SH3PXD2B: variants seen among roughly 807,000 people sequenced by gnomAD.
The protein encoded by SH3PXD2B is SH3 and PX domains 2B, also known as SH3 and PX domain-containing protein 2B.
In SH3PXD2B, 37 loss-of-function variants were observed where a neutral mutation model predicts 73.1. The ratio of observed to expected loss-of-function variants is 0.51; its 90% CI spans 0.39 to 0.67. The LOEUF is 0.67. Ranked by LOEUF, SH3PXD2B falls within the 30% of genes least tolerant of loss-of-function variation. The pLI, the probability that SH3PXD2B is intolerant of heterozygous loss-of-function variation, is 0.00. For synonymous variants in SH3PXD2B, 457 were observed against 480.5 expected, an observed-to-expected ratio of 0.95 and a Z score of 0.64; for missense variants, 1,053 against 1,197.8, an observed-to-expected ratio of 0.88 and a Z score of 1.78.
chr5:172,434,543 T>C (rs559596919), intron 1 of SH3PXD2B, among the ~76,000 whole-genome samples: 20 of 152,314 alleles, frequency 1.3e-4, no homozygotes, highest in South Asian at 2.1e-4. Flanking sequence ...CTCCCAAGTG[T>C]TCACCATGTG....
At chr5:172,409,690 A>G (rs574841314) in intron 2 of SH3PXD2B, among the ~76,000 whole-genome samples, 1 of 152,248 alleles carries the variant, frequency 6.6e-6, no homozygotes, top group Non-Finnish European at 1.5e-5. Context: ...TTGTGTATGC[A>G]TACCACATTT....
intron 6 of SH3PXD2B, among the ~76,000 whole-genome samples, chr5:172,369,081 G>A (rs985264420): frequency 6.6e-6 from 1 of 150,706 alleles, no homozygotes; most frequent in African/African-American, 2.4e-5. Flanking sequence ...TTTTAGTAGA[G>A]ACAGGGTTTC....
intron 3 of SH3PXD2B, among the ~76,000 whole-genome samples, chr5:172,396,604 AAGAG>A (rs1329270347): frequency 6.7e-6 from 1 of 149,772 alleles, no homozygotes; most frequent in Non-Finnish European, 1.5e-5. Context: ...AATTTAAAAA[AAGAG>A]AGAAAGCCTT....
chr5:172,361,751 A>G (rs561716349), intron 7 of SH3PXD2B, among the ~76,000 whole-genome samples: 4 of 152,318 alleles, frequency 2.6e-5, no homozygotes, highest in African/African-American at 9.6e-5. Flanking sequence ...TCAGCTGTGA[A>G]GCAGGGATGG....
At chr5:172,345,549 C>T (rs183846272) in intron 12 of SH3PXD2B, among the ~76,000 whole-genome samples, 1 of 152,330 alleles carries the variant, frequency 6.6e-6, no homozygotes, top group East Asian at 1.9e-4. Flanking sequence ...TTTCCAAACC[C>T]TGGCCCTAGC....
At chr5:172,396,567 CTATT>C (rs1449249979) in intron 3 of SH3PXD2B, among the ~76,000 whole-genome samples, 1 of 150,474 alleles carries the variant, frequency 6.6e-6, no homozygotes, top group African/African-American at 2.4e-5. Flanking sequence ...CAAAAGGACA[CTATT>C]TGGAAACTAG....
intron 2 of SH3PXD2B, among the ~76,000 whole-genome samples, chr5:172,416,690 CTCTCTCTTTTTT>C (rs1758831030): frequency 1.1e-5 from 1 of 95,098 alleles, no homozygotes; most frequent in African/African-American, 5.3e-5. Context: ...CTCTCTCTCT[CTCTCTCTTTTTT>C]TTTTTTTTTT....
At chr5:172,419,707 C>A (rs556835192) in intron 2 of SH3PXD2B, among the ~76,000 whole-genome samples, 1 of 152,268 alleles carries the variant, frequency 6.6e-6, no homozygotes, top group South Asian at 2.1e-4. Context: ...ATATATCCAA[C>A]CCCACCCCTC....
chr5:172,358,479 TG>T (rs1054643062), intron 8 of SH3PXD2B, among the ~76,000 whole-genome samples: 12 of 152,200 alleles, frequency 7.9e-5, no homozygotes, highest in African/African-American at 2.9e-4. Context: ...AATAGTGAAC[TG>T]TTTTTGGCGA....
chr5:172,413,835 T>C (rs1758756669), intron 2 of SH3PXD2B, among the ~76,000 whole-genome samples: 1 of 152,272 alleles, frequency 6.6e-6, no homozygotes, highest in Non-Finnish European at 1.5e-5. Context: ...GTTGGAGGCA[T>C]ACTCCAATTC....
chr5:172,368,596 T>TTA (rs560505606), intron 6 of SH3PXD2B, among the ~76,000 whole-genome samples: 115 of 10,822 alleles, frequency 0.011, 26 homozygotes, highest in African/African-American at 0.055. Flanking sequence ...ATAAAATATG[T>TTA]TATATATATA....
chr5:172,332,420 C>CT (rs11320850), downstream of SH3PXD2B, among the ~76,000 whole-genome samples: 128 of 142,352 alleles, frequency 9.0e-4, no homozygotes, highest in Admixed American at 2.3e-3. Context: ...CACCTGGCTA[C>CT]TTTTTTTTTT....
Position 172,335,832 on chromosome 5 carries a change from C to T in SH3PXD2B, c.*2537G>A, listed in dbSNP as rs990929039. On this transcript the variant is annotated 3_prime_UTR_variant, in exon 13 of 13. Coordinates refer to ENST00000311601, the MANE Select transcript of SH3PXD2B (RefSeq NM_001017995.3). Reference sequence around the variant, plus strand: ...TGTAGGAAAAGGAGCTGGATACAGACGTCCTCAGGCCATAGATATGACTCA... The same window carrying T: ...TGTAGGAAAAGGAGCTGGATACAGATGTCCTCAGGCCATAGATATGACTCA... 26 of 1,228,382 alleles carry T rather than the reference C, an allele frequency of 2.1e-5. No individual in the cohort carries two copies. In the Admixed American group the frequency reaches 2.5e-4, roughly 12 times the overall value. 76.1% of individuals were successfully genotyped at this position (1,228,382 alleles called of 1,614,324 possible). A position where few individuals can be genotyped will look rare whatever the true frequency, so the allele number is the denominator to read the frequency against.
intron 8 of SH3PXD2B, among the ~76,000 whole-genome samples, chr5:172,358,380 CA>C (rs1241007726): frequency 6.6e-6 from 1 of 152,216 alleles, no homozygotes; most frequent in Non-Finnish European, 1.5e-5. Context: ...ACAGAGAAGG[CA>C]GAGGTTTTTA....
chr5:172,358,644 C>A (rs1284197219), intron 8 of SH3PXD2B, 129 bp downstream of exon 8: 56 of 870,808 alleles, frequency 6.4e-5, no homozygotes, highest in Admixed American at 6.1e-5. Flanking sequence ...GGCCATGGAG[C>A]CTCAGCCAGT....
chr5:172,407,604 G>T (rs1413971275), intron 2 of SH3PXD2B, among the ~76,000 whole-genome samples: 1 of 152,226 alleles, frequency 6.6e-6, no homozygotes, highest in Non-Finnish European at 1.5e-5. Context: ...AAGCCTTGTG[G>T]AGTAATGGCT....
intron 4 of SH3PXD2B, among the ~76,000 whole-genome samples, chr5:172,390,913 C>T (rs1758175773): frequency 6.6e-6 from 1 of 151,288 alleles, no homozygotes; most frequent in Non-Finnish European, 1.5e-5. Context: ...ACGATCTCGG[C>T]TCACCGCAAT....
At chr5:172,351,154 T>C (rs552758003) in intron 9 of SH3PXD2B, among the ~76,000 whole-genome samples, 1 of 152,292 alleles carries the variant, frequency 6.6e-6, no homozygotes, top group South Asian at 2.1e-4. Context: ...GTTTTTGAGA[T>C]AGGGTCTCCC....
intron 3 of SH3PXD2B, among the ~76,000 whole-genome samples, chr5:172,401,874 G>A (rs1425584877): frequency 2.0e-5 from 3 of 152,106 alleles, no homozygotes; most frequent in Admixed American, 2.0e-4. Context: ...ATCTTCGTAA[G>A]CTGAGGATGT....
Sources: gnomAD v4.1 joint callset for allele counts (sites outside exome capture counted in the v4.1 genomes callset) on GRCh38, gnomAD v4.1.1 for gene constraint, MANE v1.5 for transcripts, NCBI Gene and HGNC (gene_info 2026-07-23, HGNC 2026-07-21) for gene names.